DNAAF11: variants seen among roughly 807,000 people sequenced by gnomAD.
DNAAF11 encodes leucine rich repeat containing 6.
Under a neutral mutation model 60.8 loss-of-function variants are expected in DNAAF11, and 45 were observed. The observed-to-expected ratio is 0.74, with a 90% CI of 0.58 to 0.95. The LOEUF (loss-of-function observed/expected upper bound fraction) is 0.95, where lower values mean the gene tolerates loss of function less well. Ranked by LOEUF, DNAAF11 falls within the 40% of genes least tolerant of loss-of-function variation. DNAAF11 has a pLI of 0.00. For synonymous variants in DNAAF11, 191 were observed against 183.5 expected (o/e 1.04, Z -0.33); for missense variants, 546 against 546.2 (o/e 1.00, Z 0.00).
At chr8:132,681,783 A>G in the DNAAF11 span, among the ~76,000 whole-genome samples, 2 of 152,190 alleles carry the variant, frequency 1.3e-5, no homozygotes, top group Non-Finnish European at 2.9e-5. Flanking sequence ...CATTAGTTTA[A>G]GAAAGGCAAG....
intron 7 of DNAAF11, among the ~76,000 whole-genome samples, chr8:132,617,282 T>C (rs1249158856): frequency 2.6e-5 from 4 of 152,062 alleles, no homozygotes; most frequent in Non-Finnish European, 5.9e-5. Flanking sequence ...AGGAGTTTGT[T>C]ATAGGGCACC....
At chr8:132,647,824 A>G (rs1311986933) in intron 3 of DNAAF11, among the ~76,000 whole-genome samples, 1 of 152,252 alleles carries the variant, frequency 6.6e-6, no homozygotes, top group Non-Finnish European at 1.5e-5. Context: ...AAGAAGTTGA[A>G]TCCCTGAATA....
intron 11 of DNAAF11, among the ~76,000 whole-genome samples, chr8:132,578,072 C>CT (rs1814944067): frequency 6.6e-6 from 1 of 151,870 alleles, no homozygotes; most frequent in Non-Finnish European, 1.5e-5. Flanking sequence ...TTATTATGTT[C>CT]TTACTTAAAA....
At chr8:132,579,247 G>C (rs1815072690) in intron 11 of DNAAF11, among the ~76,000 whole-genome samples, 1 of 152,132 alleles carries the variant, frequency 6.6e-6, no homozygotes, top group African/African-American at 2.4e-5. Flanking sequence ...AGTTCCCTGT[G>C]CACTGGTTAC....
At chr8:132,656,931 A>T (rs762549609) in intron 2 of DNAAF11, 24 bp from the exon 3 acceptor site, 3 of 866,752 alleles carry the variant, frequency 3.5e-6, no homozygotes, top group African/African-American at 3.5e-5. Context: ...TAATGTAGTT[A>T]AGATAATTAA....
At chr8:132,670,626 A>T (rs1432680794) in intron 1 of DNAAF11, among the ~76,000 whole-genome samples, 1 of 152,236 alleles carries the variant, frequency 6.6e-6, no homozygotes, top group Non-Finnish European at 1.5e-5. Context: ...CTATAAGGTC[A>T]GAATTACAAC....
chr8:132,626,014 C>G (rs1820236350), intron 5 of DNAAF11, among the ~76,000 whole-genome samples: 1 of 152,090 alleles, frequency 6.6e-6, no homozygotes, highest in African/African-American at 2.4e-5. Context: ...ATTCTCTTAT[C>G]TCCAAAATTC....
chr8:132,612,776 G>A (rs752784568), intron 8 of DNAAF11, among the ~76,000 whole-genome samples: 24 of 152,264 alleles, frequency 1.6e-4, no homozygotes, highest in Non-Finnish European at 2.8e-4. Context: ...TAACTTTCAA[G>A]TAGACACCTA....
At chr8:132,617,854 G>A (rs1205982075) in intron 7 of DNAAF11, among the ~76,000 whole-genome samples, 1 of 150,640 alleles carries the variant, frequency 6.6e-6, no homozygotes, top group Non-Finnish European at 1.5e-5. Context: ...TCAATATTGT[G>A]AAAATGGCCA....
the DNAAF11 span, chr8:132,687,613 T>C: frequency 2.2e-6 from 1 of 456,200 alleles, no homozygotes; most frequent in Non-Finnish European, 4.4e-6. Flanking sequence ...CTGTGCATTC[T>C]CCTGTTTAAT....
chr8:132,662,325 C>T (rs1274732208), intron 1 of DNAAF11, among the ~76,000 whole-genome samples: 13 of 152,132 alleles, frequency 8.5e-5, no homozygotes, highest in Admixed American at 8.5e-4. Flanking sequence ...GTGAGGAAGA[C>T]GGCGCCAGGA....
chr8:132,644,967 C>A (rs1014013772), intron 3 of DNAAF11, among the ~76,000 whole-genome samples: 6 of 152,220 alleles, frequency 3.9e-5, no homozygotes, highest in Admixed American at 3.3e-4. Context: ...CCCTGTCTGA[C>A]AGCTTTGAAG....
intron 3 of DNAAF11, among the ~76,000 whole-genome samples, chr8:132,656,565 G>A (rs1823592588): frequency 6.6e-6 from 1 of 152,162 alleles, no homozygotes; most frequent in Non-Finnish European, 1.5e-5. Flanking sequence ...TCCGCCTCCT[G>A]GGTTCAAGCG....
At chr8:132,644,840 C>A (rs573443882) in intron 3 of DNAAF11, among the ~76,000 whole-genome samples, 1 of 152,180 alleles carries the variant, frequency 6.6e-6, no homozygotes, top group African/African-American at 2.4e-5. Flanking sequence ...CCGGGAAGCT[C>A]GAACTGGGTG....
intron 3 of DNAAF11, among the ~76,000 whole-genome samples, chr8:132,639,545 T>C (rs959381012): frequency 1.3e-5 from 2 of 152,228 alleles, no homozygotes; most frequent in African/African-American, 4.8e-5. Flanking sequence ...TTCATAGCTA[T>C]GCAACTGTAT....
the DNAAF11 span, chr8:132,687,521 C>T: frequency 2.3e-6 from 1 of 443,338 alleles, no homozygotes. Context: ...CTCATCGCTT[C>T]AGACAGACAG....
chr8:132,690,372 T>C, the DNAAF11 span, among the ~76,000 whole-genome samples: 1 of 152,154 alleles, frequency 6.6e-6, no homozygotes, highest in African/African-American at 2.4e-5. Flanking sequence ...CTCTTCTCTC[T>C]CCTGCTGCCT....
At chr8:132,664,310 T>C (rs1453358141) in intron 1 of DNAAF11, among the ~76,000 whole-genome samples, 12 of 152,206 alleles carry the variant, frequency 7.9e-5, no homozygotes, top group Non-Finnish European at 1.8e-4. Context: ...TGTGGGACTT[T>C]CTGACTCTCA....
chr8:132,682,243 C>A, the DNAAF11 span, among the ~76,000 whole-genome samples: 1 of 152,162 alleles, frequency 6.6e-6, no homozygotes, highest in Non-Finnish European at 1.5e-5. Flanking sequence ...AACTCTGGTT[C>A]TTGGACCCCT....
Sources: gnomAD v4.1 joint callset for allele counts (sites outside exome capture counted in the v4.1 genomes callset) on GRCh38, gnomAD v4.1.1 for gene constraint, MANE v1.5 for transcripts, NCBI Gene and HGNC (gene_info 2026-07-23, HGNC 2026-07-21) for gene names.